PAICS: variants seen among roughly 807,000 people sequenced by gnomAD.
PAICS encodes the protein phosphoribosylaminoimidazole carboxylase and phosphoribosylaminoimidazolesuccinocarboxamide synthase, also known as bifunctional phosphoribosylaminoimidazole carboxylase/phosphoribosylaminoimidazole succinocarboxamide synthetase.
A neutral mutation model predicts 53.7 loss-of-function variants in PAICS; 33 were observed. The observed-to-expected ratio is 0.61, with a 90% CI of 0.47 to 0.82. PAICS has a LOEUF of 0.82. Among genes scored for constraint, PAICS ranks in the 40% least tolerant of loss-of-function variants. The pLI is 0.00. For synonymous variants in PAICS, 141 were observed against 167.2 expected (o/e 0.84, Z 1.21); for missense variants, 394 against 494.1 (o/e 0.80, Z 1.92).
At chr4:56,431,972 C>A (rs1056272402), upstream of PAICS, among the ~76,000 whole-genome samples, 1 of 152,128 alleles carries the variant, frequency 6.6e-6, no homozygotes, top group African/African-American at 2.4e-5. Context: ...AGCAGAGCTA[C>A]GGAATAAATC....
At chr4:56,459,320 T>C (rs1420069035) in intron 8 of PAICS, 52 bp from the exon 9 acceptor site, 17 of 1,373,876 alleles carry the variant, frequency 1.2e-5, no homozygotes, top group Non-Finnish European at 9.8e-7. Context: ...AAGGTTGTAT[T>C]TTCATTACTA....
Position 56,436,323 on chromosome 4 carries a change from C to A in PAICS, c.11C>A (p.Ala4Asp). Reference protein sequence around the residue: MATAEVLNIGKKLY... With the variant: MATDEVLNIGKKLY... ...AGCCCACTTAGGATAATGGCGACAG[C>A]TGAGGGTGAGTAACAGGGATCCGGG... Residue 4 changes from alanine to aspartate, a missense_variant, in exon 1 of 9, where the codon GCT (alanine) becomes GAT (aspartate). Ala to Asp is a moderately radical substitution (Grantham distance 126, BLOSUM62 -2). Coordinates refer to ENST00000512576, the MANE Select transcript of PAICS (RefSeq NM_001079524.2). 1 of 1,600,754 alleles carries A rather than the reference C, an allele frequency of 6.2e-7. No individual in the cohort carries two copies. Among genetic ancestry groups the A allele is most frequent in the Non-Finnish European group, 8.5e-7 (1 of 1,173,074 alleles).
At chr4:56,454,362 T>C (rs1418541198) in intron 8 of PAICS, among the ~76,000 whole-genome samples, 1 of 152,212 alleles carries the variant, frequency 6.6e-6, no homozygotes, top group African/African-American at 2.4e-5. Context: ...CTGTGCAGAC[T>C]CTAGTTGGCC....
upstream of PAICS, among the ~76,000 whole-genome samples, chr4:56,433,397 TAAAAAA>T (rs34598008): frequency 8.5e-6 from 1 of 118,252 alleles, no homozygotes; most frequent in African/African-American, 3.2e-5. Context: ...TGGTATTCAT[TAAAAAA>T]AAAAAAAAAG....
the PAICS span, among the ~76,000 whole-genome samples, chr4:56,417,938 C>G: frequency 6.7e-6 from 1 of 149,704 alleles, no homozygotes; most frequent in Non-Finnish European, 1.5e-5. Context: ...CTCCCAGGTT[C>G]AAGCGATTCT....
rs769935522 is a variant in PAICS at position 56,459,487 on chromosome 4, A to G, written c.1227A>G (p.Thr409=). 14 of 1,594,336 alleles carry G rather than the reference A, an allele frequency of 8.8e-6. No individual in the cohort carries two copies. The highest frequency in any genetic ancestry group is 1.2e-5 in the Non-Finnish European group (14 of 1,165,094). The part of the protein sequence containing the change: ...WSKLRASILN[T]WISLKQADKK... ...AACTGCGAGCAAGCATTTTGAACAC[A>G]TGGATTTCCTTGAAGCAGGCTGACA... The change falls in exon 9 of 9, where the codon ACA becomes ACG. Residue 409 remains threonine, a synonymous_variant. Coordinates refer to ENST00000512576, the MANE Select transcript of PAICS (RefSeq NM_001079524.2).
At chr4:56,419,117 G>C in the PAICS span, among the ~76,000 whole-genome samples, 1 of 152,200 alleles carries the variant, frequency 6.6e-6, no homozygotes, top group Non-Finnish European at 1.5e-5. Flanking sequence ...GCAGGTACCA[G>C]AGTGGTGGTT....
chr4:56,452,416 C>T (rs1718966006), intron 7 of PAICS, among the ~76,000 whole-genome samples: 2 of 152,286 alleles, frequency 1.3e-5, no homozygotes, highest in South Asian at 4.1e-4. Flanking sequence ...ATCTCATGAT[C>T]CGCCTGCCTT....
intron 1 of PAICS, among the ~76,000 whole-genome samples, chr4:56,438,942 T>A (rs1324157924): frequency 6.6e-6 from 1 of 152,212 alleles, no homozygotes; most frequent in Non-Finnish European, 1.5e-5. Flanking sequence ...AATTCTGTGC[T>A]TTCCCAGACT....
In PAICS at chr4:56,451,019, G is replaced by A. The variant is rs373859289; in HGVS notation, c.771+317G>A. 1.6e-4 allele frequency: 32 copies of A among 194,930 alleles called. No homozygotes were observed. The East Asian group carries it at 4.3e-3, about 26-fold the overall frequency. 12.1% of individuals were successfully genotyped at this position (194,930 alleles called of 1,614,324 possible). On this transcript the variant is annotated intron_variant, in intron 6 of 8. Coordinates refer to ENST00000512576, the MANE Select transcript of PAICS (RefSeq NM_001079524.2). ...TTTTTAGTAGAGACGGGGTTTCACC[G>A]TGTTAGCCAGGATGGTCTTGATCTC...
the PAICS span, chr4:56,420,669 A>G: frequency 6.6e-6 from 1 of 152,232 alleles, no homozygotes; most frequent in East Asian, 1.9e-4. Flanking sequence ...GGCAGAAGTT[A>G]AAGTAAATTT....
At chr4:56,428,997 A>C in the PAICS span, 1 of 972,066 alleles carries the variant, frequency 1.0e-6, no homozygotes, top group Non-Finnish European at 1.2e-6. Context: ...AGAAAAGCAC[A>C]TGAAGATGGT....
intron 1 of PAICS, among the ~76,000 whole-genome samples, 158 bp from the exon 2 acceptor site, chr4:56,441,505 G>A (rs994532901): frequency 6.6e-6 from 1 of 152,132 alleles, no homozygotes; most frequent in Non-Finnish European, 1.5e-5. Context: ...GATGGTATGA[G>A]AAATACATTG....
the PAICS span, chr4:56,410,915 A>G: frequency 4.1e-6 from 4 of 978,932 alleles, no homozygotes; most frequent in Non-Finnish European, 4.9e-6. Context: ...AAAAAAAAAA[A>G]AAAAAAAAAA....
At chr4:56,416,420 G>A in the PAICS span, 1 of 826,958 alleles carries the variant, frequency 1.2e-6, no homozygotes, top group Non-Finnish European at 1.5e-6. Context: ...GGTTTCTCAT[G>A]TCAGACCAAT....
chr4:56,456,706 GTT>G (rs371211011), intron 8 of PAICS, among the ~76,000 whole-genome samples: 12 of 135,462 alleles, frequency 8.9e-5, no homozygotes, highest in Non-Finnish European at 1.3e-4. Context: ...TGCCTCTGGG[GTT>G]TTTTTTTTTT....
upstream of PAICS, chr4:56,436,136 T>G (rs1717925701): frequency 2.7e-6 from 4 of 1,480,700 alleles, no homozygotes; most frequent in Non-Finnish European, 3.6e-6. Flanking sequence ...TATCCGCGTT[T>G]CAGTCTCCGC....
At chr4:56,437,534 G>A (rs73157744) in intron 1 of PAICS, among the ~76,000 whole-genome samples, 27 of 151,978 alleles carry the variant, frequency 1.8e-4, no homozygotes, top group African/African-American at 6.3e-4. Context: ...AAAAGCTGTA[G>A]ACTCAGGCCG....
rs1019605609 is a variant in PAICS at position 56,460,763 on chromosome 4, G to A, written c.*1225G>A. On this transcript the variant is annotated 3_prime_UTR_variant, in exon 9 of 9. Coordinates refer to ENST00000512576, the MANE Select transcript of PAICS (RefSeq NM_001079524.2). ...AAGCAAGCAGATCACTTGAGGTCAGGAGTTTGAGACCAGCCTGGCCAACAT... is the reference window on the plus strand; with the variant it reads ...AAGCAAGCAGATCACTTGAGGTCAGAAGTTTGAGACCAGCCTGGCCAACAT... 1 of 152,268 alleles carries A rather than the reference G, an allele frequency of 6.6e-6. No individual in the cohort carries two copies. Among genetic ancestry groups the A allele is most frequent in the Non-Finnish European group, 1.5e-5 (1 of 68,118 alleles). 9.4% of individuals were successfully genotyped at this position (152,268 alleles called of 1,614,324 possible). A position where few individuals can be genotyped will look rare whatever the true frequency, so the allele number is the denominator to read the frequency against.
Sources: allele counts gnomAD v4.1 joint callset (sites outside exome capture counted in the v4.1 genomes callset), GRCh38; gene constraint gnomAD v4.1.1; transcripts MANE v1.5; gene names NCBI Gene and HGNC (gene_info 2026-07-23, HGNC 2026-07-21).